TLCD1: variants seen among roughly 807,000 people sequenced by gnomAD.
TLCD1 encodes TLC domain containing 1, also known as TLC domain-containing protein 1.
TLCD1 carries 21 observed loss-of-function variants against 21.2 expected under a neutral mutation model. The ratio of observed to expected loss-of-function variants is 0.99; its 90% CI spans 0.70 to 1.42. TLCD1 has a LOEUF of 1.42. Ranked by LOEUF, TLCD1 falls within the 40% of genes most tolerant of loss-of-function variation. The pLI, the probability that TLCD1 is intolerant of heterozygous loss-of-function variation, is 0.00. For synonymous variants in TLCD1, 168 were observed against 134.8 expected, an observed-to-expected ratio of 1.25 and a Z score of -1.71; for missense variants, 344 against 330.3, an observed-to-expected ratio of 1.04 and a Z score of -0.32.
In TLCD1 at chr17:28,725,960, G is replaced by C; in HGVS notation, c.138C>G (p.His46Gln). The change falls in exon 1 of 4, where the codon CAC becomes CAG. Residue 46 changes from histidine to glutamine, a missense_variant. Physicochemically the swap from His to Gln is conservative, Grantham distance 24. Transcript: ENST00000292090. ...AGTGAGCGAAGGAGACGAGCAGGTT[G>C]TGCCAGCGCCAGGTGCGCAGGGGGT... ...RADPLRTWRW[H>Q]NLLVSFAHSI... is the part of the protein sequence containing the mutation. 2 of 1,612,740 alleles carry C rather than the reference G, an allele frequency of 1.2e-6. No homozygotes were observed. The highest frequency in any genetic ancestry group is 1.7e-6 in the Non-Finnish European group (2 of 1,179,784).
chr17:28,726,355 G>T, upstream of TLCD1: 1 of 677,430 alleles, frequency 1.5e-6, no homozygotes, highest in Non-Finnish European at 1.9e-6. Flanking sequence ...AGGCGCTGCT[G>T]CCGCGCGAGC....
At position 28,724,623 on chromosome 17, in the gene TLCD1, G is replaced by C. The variant is rs1262942121; in HGVS notation, c.631C>G (p.Leu211Val). 6.2e-7 allele frequency: 1 copy of C among 1,614,212 alleles called. No homozygotes were observed. Residue 211 changes from leucine to valine, a missense_variant, in exon 4 of 4, where the codon CTG (leucine) becomes GTG (valine). By Grantham distance (32) the Leu-to-Val change is conservative. Coordinates refer to ENST00000292090, the MANE Select transcript of TLCD1 (RefSeq NM_138463.4). ...RTLGTFLLGI[L>V]LMLDVMIIIY... ...ATGATCATCACGTCCAGCATGAGCA[G>C]GATACCCAGCAGGAAGGTGCCCAGG...
Position 28,726,034 on chromosome 17 carries a change from G to A in TLCD1, c.64C>T (p.Leu22Phe), listed in dbSNP as rs2034221752. ...LLGATLTFRA[L>F]RRALCRLPLP... Reference sequence around the variant, plus strand: ...GGCAGGCGACAGAGCGCGCGCCGGAGCGCCCGGAAGGTCAGCGTGGCGCCC... The same window carrying A: ...GGCAGGCGACAGAGCGCGCGCCGGAACGCCCGGAAGGTCAGCGTGGCGCCC... The change falls in exon 1 of 4, where the codon CTC (leucine) becomes TTC (phenylalanine). Residue 22 changes from leucine (L) to phenylalanine (F), a missense_variant. By Grantham distance (22) the Leu-to-Phe change is conservative. Coordinates refer to ENST00000292090, the MANE Select transcript of TLCD1 (RefSeq NM_138463.4). 12 of 1,590,340 alleles carry A rather than the reference G, an allele frequency of 7.5e-6. No homozygotes were observed. The highest frequency in any genetic ancestry group is 1.8e-5 in the Admixed American group (1 of 56,796).
In TLCD1 at chr17:28,725,610, A is replaced by G. The variant is rs201562029; in HGVS notation, c.195-47T>C. 2,140 of 1,586,232 alleles carry G rather than the reference A, an allele frequency of 1.3e-3. 37 individuals are homozygous for G. The South Asian group carries it at 0.021, about 16-fold the overall frequency. ...GCTCTGCATTTCGGCACCCTCAAGG[A>G]CCATCAACTTCTCGGTTACCCTTCG... On this transcript the variant is annotated intron_variant, in intron 1 of 3. Transcript: ENST00000292090.
intron 3 of TLCD1, 37 bp downstream of exon 3, chr17:28,725,267 C>T: frequency 1.2e-6 from 2 of 1,607,238 alleles, no homozygotes; most frequent in Non-Finnish European, 1.7e-6. Context: ...AGATTACTGA[C>T]ACCAGGCCTA....
Position 28,725,556 on chromosome 17 carries a change from G to C in TLCD1, c.202C>G (p.Gln68Glu). 6.2e-7 allele frequency: 1 copy of C among 1,614,138 alleles called. No individual in the cohort carries two copies. The highest frequency in any genetic ancestry group is 8.5e-7 in the Non-Finnish European group (1 of 1,179,996). The change falls in exon 2 of 4, where the codon CAG becomes GAG. Residue 68 changes from glutamine to glutamate, a missense_variant. Transcript: ENST00000292090. ...SGIWALLCVWQTPDMLVEIET... is the reference protein window; with the variant it reads ...SGIWALLCVWETPDMLVEIET... Reference sequence around the variant, plus strand: ...ATCTCCACTAACATGTCAGGAGTCTGCCATACACTGGAAAGGAGGGAAGAG... The same window carrying C: ...ATCTCCACTAACATGTCAGGAGTCTCCCATACACTGGAAAGGAGGGAAGAG...
chr17:28,724,950 G>A, intron 3 of TLCD1, 57 bp from the exon 4 acceptor site: 1 of 1,558,428 alleles, frequency 6.4e-7, no homozygotes, highest in Non-Finnish European at 8.7e-7. Context: ...TTTCCTGGAA[G>A]TTTGGGGGGT....
rs1395432992 is a variant in TLCD1, at chr17:28,725,897, C to T, written c.194+7G>A. Reference sequence around the variant, plus strand: ...TGGCCACCTCATTTCCACAGTCGCTCACTCACCACAGCAGTGCCCAGATCC... The same window carrying T: ...TGGCCACCTCATTTCCACAGTCGCTTACTCACCACAGCAGTGCCCAGATCC... On this transcript the variant is annotated splice_region_variant and intron_variant, in intron 1 of 3. Coordinates refer to ENST00000292090, the MANE Select transcript of TLCD1 (RefSeq NM_138463.4). 1 of 1,611,678 alleles carries T rather than the reference C, an allele frequency of 6.2e-7. No individual in the cohort carries two copies. Among genetic ancestry groups the T allele is most frequent in the East Asian group, 2.2e-5 (1 of 44,808 alleles).
chr17:28,725,771 A>G (rs1170057064), intron 1 of TLCD1, 133 bp downstream of exon 1: 2 of 1,293,368 alleles, frequency 1.5e-6, no homozygotes, highest in Non-Finnish European at 2.1e-6. Flanking sequence ...GTTGGATAGG[A>G]TACCAAACGG....
At chr17:28,725,203 G>A (rs2034199277) in intron 3 of TLCD1, 101 bp downstream of exon 3, 3 of 1,340,948 alleles carry the variant, frequency 2.2e-6, no homozygotes, top group Non-Finnish European at 3.2e-6. Flanking sequence ...GGTCGGGGGT[G>A]GGTGGTAAGA....
At position 28,725,956 on chromosome 17, in the gene TLCD1, G is replaced by A. The variant is rs777261308; in HGVS notation, c.142C>T (p.Leu48=). 1 of 1,612,784 alleles carries A rather than the reference G, an allele frequency of 6.2e-7. No individual in the cohort carries two copies. Among genetic ancestry groups the A allele is most frequent in the South Asian group, 1.1e-5 (1 of 91,070 alleles). ...ATGGAGTGAGCGAAGGAGACGAGCA[G>A]GTTGTGCCAGCGCCAGGTGCGCAGG... ...DPLRTWRWHN[L]LVSFAHSIVS... is the part of the protein sequence containing the mutation. The change falls in exon 1 of 4, where the codon CTG becomes TTG. Residue 48 remains leucine, a synonymous_variant. Coordinates refer to ENST00000292090, the MANE Select transcript of TLCD1 (RefSeq NM_138463.4).
At chr17:28,726,337 C>T, upstream of TLCD1, 1 of 841,154 alleles carries the variant, frequency 1.2e-6, no homozygotes, top group Non-Finnish European at 1.5e-6. Context: ...CGCCTGCCCC[C>T]GCCCCTCAGG....
chr17:28,726,795 G>A (rs1257467485), upstream of TLCD1: 1 of 1,548,994 alleles, frequency 6.5e-7, no homozygotes, highest in Non-Finnish European at 8.7e-7. Flanking sequence ...CTTGGGAACT[G>A]CTGAGTAACC....
chr17:28,724,843 C>G lies in TLCD1; in HGVS notation c.411G>C (p.Gly137=), dbSNP rs757205475. ...SGIFWSSFVG[G]GVLTLLVEVS... ...CTTCCACCAGTAGTGTTAAGACACC[C>G]CCACCGACAAAGCTGCTCCAAAAGA... is the stretch of plus-strand genomic sequence containing the variant. Residue 137 remains glycine (G), a synonymous_variant, in exon 4 of 4, where the codon GGG becomes GGC. Transcript: ENST00000292090. 4.0e-5 allele frequency: 64 copies of G among 1,613,722 alleles called. No homozygotes were observed. The highest frequency in any genetic ancestry group is 5.0e-5 in the Non-Finnish European group (59 of 1,179,974).
Position 28,726,181 on chromosome 17 carries a change from C to T in TLCD1, c.-84G>A, listed in dbSNP as rs376487335. 1.5e-6 allele frequency: 2 copies of T among 1,375,404 alleles called. No homozygotes were observed. The highest frequency in any genetic ancestry group is 1.9e-6 in the Non-Finnish European group (2 of 1,072,890). The allele number at this position is 1,375,404 out of a possible 1,614,324, so 85.2% of individuals were successfully genotyped here. A position where few individuals can be genotyped will look rare whatever the true frequency, so the allele number is the denominator to read the frequency against. On this transcript the variant is annotated 5_prime_UTR_variant, in exon 1 of 4. Transcript: ENST00000292090. ...GGATCCCTCTCGGGCCAGTCCAGGC[C>T]GGCCGCCTCTCCCGCCGGCCGCCAG... is the stretch of plus-strand genomic sequence containing the variant.
upstream of TLCD1, chr17:28,727,619 TC>T (rs66516376): frequency 0.064 from 9,472 of 149,056 alleles, 406 homozygotes; most frequent in African/African-American, 0.11. Flanking sequence ...ATGTTTTCTT[TC>T]TTTCTTTTTT....
In TLCD1 at chr17:28,725,862, C is replaced by T. The variant is rs1015920231; in HGVS notation, c.194+42G>A. On this transcript the variant is annotated intron_variant, in intron 1 of 3. Transcript: ENST00000292090. ...CAAGAGCCGGCCCCGGCTCCCCGCT[C>T]AGGATCCCCTGGCCACCTCATTTCC... 3.1e-6 allele frequency: 5 copies of T among 1,596,200 alleles called. No homozygotes were observed. The South Asian group carries it at 3.4e-5, about 11-fold the overall frequency.
At chr17:28,724,918 T>C (rs1421930098) in intron 3 of TLCD1, 25 bp from the exon 4 acceptor site, 3 of 1,596,254 alleles carry the variant, frequency 1.9e-6, no homozygotes, top group Non-Finnish European at 2.6e-6. Context: ...GAATAGGAGT[T>C]AGGGAACCCA....
In TLCD1 at chr17:28,724,793, C is replaced by G. The variant is rs780223487; in HGVS notation, c.461G>C (p.Arg154Pro). 4 of 1,614,034 alleles carry G rather than the reference C, an allele frequency of 2.5e-6. No homozygotes were observed. Among genetic ancestry groups the G allele is most frequent in the Non-Finnish European group, 8.5e-7 (1 of 1,180,010 alleles). Residue 154 changes from arginine (R) to proline (P), a missense_variant, in exon 4 of 4, where the codon CGC becomes CCC. Physicochemically the swap from Arg to Pro is moderately radical, Grantham distance 103. Coordinates refer to ENST00000292090, the MANE Select transcript of TLCD1 (RefSeq NM_138463.4). ...GGCATTACTGATTTTCATCATCATGCGAATGGTGAGGAAGATGTTGCTGAC... is the reference window on the plus strand; with the variant it reads ...GGCATTACTGATTTTCATCATCATGGGAATGGTGAGGAAGATGTTGCTGAC... ...VEVSNIFLTIRMMMKISNAQD... is the reference protein window; with the variant it reads ...VEVSNIFLTIPMMMKISNAQD...
Sources: allele counts gnomAD v4.1 joint callset, GRCh38; gene constraint gnomAD v4.1.1; transcripts MANE v1.5; gene names NCBI Gene and HGNC (gene_info 2026-07-23, HGNC 2026-07-21).